Variants in LOC128092252 observed in about 807,000 individuals in gnomAD.
chr15:50,650,694 C>CA, the LOC128092252 span, among the ~76,000 whole-genome samples: 25 of 142,030 alleles, frequency 1.8e-4, no homozygotes, highest in East Asian at 2.8e-3. Flanking sequence ...GACTGGGTCT[C>CA]AAAAAAAACA....
chr15:50,674,375 A>G, the LOC128092252 span, among the ~76,000 whole-genome samples: 1 of 151,940 alleles, frequency 6.6e-6, no homozygotes, highest in African/African-American at 2.4e-5. Flanking sequence ...CAGGTGATCC[A>G]CCCGCCTCAG....
chr15:50,660,402 A>T, the LOC128092252 span, among the ~76,000 whole-genome samples: 1 of 152,090 alleles, frequency 6.6e-6, no homozygotes, highest in African/African-American at 2.4e-5. Context: ...AGGCACGGTG[A>T]CTCACTTTGG....
chr15:50,662,192 A>T, the LOC128092252 span, among the ~76,000 whole-genome samples: 118 of 152,280 alleles, frequency 7.7e-4, 1 homozygote, highest in Admixed American at 3.1e-3. Context: ...TCTCTACTAA[A>T]AATACAAAAA....
At chr15:50,669,784 A>G in the LOC128092252 span, among the ~76,000 whole-genome samples, 5 of 149,196 alleles carry the variant, frequency 3.4e-5, no homozygotes, top group South Asian at 4.2e-4. Flanking sequence ...GAAGTCCAGG[A>G]AAAAAAAAAG....
chr15:50,681,207 C>T, the LOC128092252 span, among the ~76,000 whole-genome samples: 1 of 151,796 alleles, frequency 6.6e-6, no homozygotes, highest in African/African-American at 2.4e-5. Context: ...GCCAAGATCA[C>T]GCCACTGCAC....
the LOC128092252 span, among the ~76,000 whole-genome samples, chr15:50,678,539 TATAC>T: frequency 0.16 from 22,296 of 136,682 alleles, 2,281 homozygotes; most frequent in East Asian, 0.44. Flanking sequence ...TATATATATA[TATAC>T]ACACACACAC....
chr15:50,651,982 A>G, the LOC128092252 span, among the ~76,000 whole-genome samples: 1 of 152,060 alleles, frequency 6.6e-6, no homozygotes, highest in African/African-American at 2.4e-5. Context: ...TCTACCTTAA[A>G]AACTAAAAAT....
At chr15:50,661,532 C>A in the LOC128092252 span, among the ~76,000 whole-genome samples, 2 of 151,858 alleles carry the variant, frequency 1.3e-5, no homozygotes, top group Non-Finnish European at 2.9e-5. Flanking sequence ...GTGAGAGATC[C>A]GTTCAAAGTT....
chr15:50,656,026 T>G, the LOC128092252 span, among the ~76,000 whole-genome samples: 1 of 150,006 alleles, frequency 6.7e-6, no homozygotes, highest in Non-Finnish European at 1.5e-5. Flanking sequence ...AAAAAACCCC[T>G]GCTGCAATAA....
the LOC128092252 span, among the ~76,000 whole-genome samples, chr15:50,651,831 G>A: frequency 2.6e-5 from 4 of 151,902 alleles, no homozygotes; most frequent in African/African-American, 9.7e-5. Flanking sequence ...GGGTTGCAGT[G>A]AGCTGAGATC....
At chr15:50,657,303 A>T in the LOC128092252 span, among the ~76,000 whole-genome samples, 1 of 152,180 alleles carries the variant, frequency 6.6e-6, no homozygotes, top group Non-Finnish European at 1.5e-5. Flanking sequence ...CAGCCTGGGT[A>T]ACAGAGCAAG....
the LOC128092252 span, among the ~76,000 whole-genome samples, chr15:50,655,000 CAAA>C: frequency 8.6e-5 from 6 of 69,442 alleles, no homozygotes; most frequent in Admixed American, 1.8e-4. Flanking sequence ...CACTCCGTCT[CAAA>C]AAAAAAAAAA....
chr15:50,667,993 T>C, the LOC128092252 span, among the ~76,000 whole-genome samples: 3 of 152,226 alleles, frequency 2.0e-5, no homozygotes, highest in Non-Finnish European at 4.4e-5. Context: ...GCAGTAATTA[T>C]GATTATTATG....
At chr15:50,659,067 A>G in the LOC128092252 span, among the ~76,000 whole-genome samples, 1 of 151,932 alleles carries the variant, frequency 6.6e-6, no homozygotes, top group Non-Finnish European at 1.5e-5. Flanking sequence ...ATGTGGTGGC[A>G]CACGCCTGTA....
At chr15:50,677,421 A>C in the LOC128092252 span, among the ~76,000 whole-genome samples, 1 of 151,914 alleles carries the variant, frequency 6.6e-6, no homozygotes, top group Admixed American at 6.6e-5. Flanking sequence ...ACAACAACAC[A>C]CACACACACA....
the LOC128092252 span, among the ~76,000 whole-genome samples, chr15:50,678,338 G>A: frequency 1.3e-5 from 2 of 150,732 alleles, no homozygotes; most frequent in African/African-American, 4.9e-5. Context: ...CAACATGCCT[G>A]CCAAGGGTGA....
chr15:50,677,353 G>A, the LOC128092252 span, among the ~76,000 whole-genome samples: 24 of 151,842 alleles, frequency 1.6e-4, no homozygotes, highest in African/African-American at 5.6e-4. Context: ...TGGAGGTTAG[G>A]GCTTCAAGAT....
At chr15:50,670,524 A>T in the LOC128092252 span, among the ~76,000 whole-genome samples, 1 of 152,192 alleles carries the variant, frequency 6.6e-6, no homozygotes, top group African/African-American at 2.4e-5. Context: ...CCATACTAAA[A>T]GACACTCTAA....
At chr15:50,658,104 A>T in the LOC128092252 span, among the ~76,000 whole-genome samples, 1 of 149,882 alleles carries the variant, frequency 6.7e-6, no homozygotes, top group African/African-American at 2.5e-5. Context: ...TCCCGGGTTC[A>T]CACCACTCTC....
Sources: gnomAD v4.1 joint callset for allele counts (sites outside exome capture counted in the v4.1 genomes callset) on GRCh38, gnomAD v4.1.1 for gene constraint, MANE v1.5 for transcripts.